The following MLLT3 variants were observed in gnomAD, a reference collection of about 807,000 sequenced individuals.
MLLT3 encodes MLLT3 super elongation complex subunit, also known as protein AF-9.
A neutral mutation model predicts 53.2 loss-of-function variants in MLLT3; 4 were observed. That is an observed-to-expected ratio of 0.08 (90% CI 0.04 to 0.17). The LOEUF (loss-of-function observed/expected upper bound fraction) is 0.17, where lower values mean the gene tolerates loss of function less well. Ranked by LOEUF, MLLT3 falls within the 10% of genes least tolerant of loss-of-function variation. The pLI, the probability that MLLT3 is intolerant of heterozygous loss-of-function variation, is 1.00. For missense variants in MLLT3, 569 were observed against 684.0 expected, an observed-to-expected ratio of 0.83 and a Z score of 1.87; for synonymous variants, 283 against 230.6, an observed-to-expected ratio of 1.23 and a Z score of -2.06.
At chr9:20,435,315 A>C (rs1166650959) in intron 4 of MLLT3, among the ~76,000 whole-genome samples, 2 of 152,136 alleles carry the variant, frequency 1.3e-5, no homozygotes, top group Non-Finnish European at 2.9e-5. Context: ...AGTAGCTGGG[A>C]CTACAGGTGC....
At chr9:20,357,979 G>GCACACACACACA (rs1491136011) in intron 8 of MLLT3, among the ~76,000 whole-genome samples, 2,427 of 137,762 alleles carry the variant, frequency 0.018, 93 homozygotes, top group African/African-American at 0.061. Context: ...CCTCCCTCCT[G>GCACACACACACA]CGCACACACA....
chr9:20,399,006 C>T (rs1234277088), intron 5 of MLLT3, among the ~76,000 whole-genome samples: 1 of 152,130 alleles, frequency 6.6e-6, no homozygotes, highest in Non-Finnish European at 1.5e-5. Context: ...CAAGGGGCTG[C>T]CCGGGCAGGT....
chr9:20,533,743 T>C (rs1004775006), intron 2 of MLLT3, among the ~76,000 whole-genome samples: 1 of 152,286 alleles, frequency 6.6e-6, no homozygotes, highest in East Asian at 1.9e-4. Context: ...ATCCTGCCAT[T>C]TGTAGCAAAA....
intron 4 of MLLT3, chr9:20,418,399 G>C (rs1822928051): frequency 6.6e-6 from 1 of 152,208 alleles, no homozygotes; most frequent in Non-Finnish European, 1.5e-5. Flanking sequence ...TACGAATGGA[G>C]TATTAAAATT....
chr9:20,423,199 T>C (rs1190641439), intron 4 of MLLT3, among the ~76,000 whole-genome samples: 3 of 152,144 alleles, frequency 2.0e-5, no homozygotes, highest in African/African-American at 7.2e-5. Flanking sequence ...ACTATATTTT[T>C]ATAGTCTTAA....
chr9:20,534,339 A>C (rs1466500705), intron 2 of MLLT3, among the ~76,000 whole-genome samples: 1 of 152,222 alleles, frequency 6.6e-6, no homozygotes, highest in African/African-American at 2.4e-5. Flanking sequence ...TCAACATCTG[A>C]AAAAGAGAAA....
intron 5 of MLLT3, among the ~76,000 whole-genome samples, chr9:20,399,961 G>A (rs550189465): frequency 3.3e-5 from 5 of 151,906 alleles, no homozygotes; most frequent in East Asian, 3.9e-4. Context: ...AAGAAAGAAC[G>A]ATGGAACAAA....
At chr9:20,530,331 T>C (rs1158031899) in intron 2 of MLLT3, among the ~76,000 whole-genome samples, 3 of 152,216 alleles carry the variant, frequency 2.0e-5, no homozygotes, top group South Asian at 2.1e-4. Flanking sequence ...TATTTCAATA[T>C]TGAAACTGTT....
intron 4 of MLLT3, among the ~76,000 whole-genome samples, chr9:20,426,779 T>TA (rs892900749): frequency 1.3e-5 from 2 of 151,846 alleles, no homozygotes; most frequent in Admixed American, 6.6e-5. Context: ...GCTGGGCCGT[T>TA]AAAAAAATAA....
chr9:20,391,923 A>G (rs983878079), intron 5 of MLLT3, among the ~76,000 whole-genome samples: 4 of 152,198 alleles, frequency 2.6e-5, no homozygotes, highest in African/African-American at 9.6e-5. Context: ...AATATAATAA[A>G]GCCCAGGTGC....
intron 10 of MLLT3, among the ~76,000 whole-genome samples, chr9:20,351,974 C>A (rs1005449235): frequency 2.0e-5 from 3 of 152,220 alleles, no homozygotes; most frequent in Non-Finnish European, 2.9e-5. Context: ...ATGCTGTGTG[C>A]CCTGGAGTGC....
chr9:20,454,777 G>A (rs1823919379), intron 3 of MLLT3, among the ~76,000 whole-genome samples: 1 of 152,128 alleles, frequency 6.6e-6, no homozygotes, highest in Non-Finnish European at 1.5e-5. Context: ...TGGGGAATAT[G>A]GGAGATAGAG....
chr9:20,559,111 G>A (rs753223425), intron 2 of MLLT3, among the ~76,000 whole-genome samples: 3 of 152,046 alleles, frequency 2.0e-5, no homozygotes, highest in East Asian at 1.9e-4. Flanking sequence ...ATGGTCTCTC[G>A]GGAATCATTC....
rs1819269790 is a variant in MLLT3 at position 20,563,427 on chromosome 9, TGAAAC to T, written c.193+57222_193+57226del. Among the ~76,000 whole-genome samples, 3 of 152,258 alleles carry T rather than the reference TGAAAC, an allele frequency of 2.0e-5. No homozygotes were observed. In the East Asian group the frequency reaches 5.8e-4, roughly 29 times the overall value. On this transcript the variant is annotated intron_variant, in intron 2 of 10. Coordinates refer to ENST00000380338, the MANE Select transcript of MLLT3 (RefSeq NM_004529.4). ...TGTCATATATTTGACAAATAATAAT[TGAAAC>T]AGCCTTTTCCTTTTCTTTTTGTTGA...
intron 2 of MLLT3, among the ~76,000 whole-genome samples, chr9:20,469,667 A>G (rs1824331573): frequency 6.6e-6 from 1 of 151,970 alleles, no homozygotes; most frequent in African/African-American, 2.4e-5. Flanking sequence ...AAACAAGAGA[A>G]TAACTGAGAG....
chr9:20,581,196 G>C (rs189076127), intron 2 of MLLT3, among the ~76,000 whole-genome samples: 124 of 152,272 alleles, frequency 8.1e-4, no homozygotes, highest in Non-Finnish European at 1.5e-3. Flanking sequence ...TTCAGACATT[G>C]CTGTTTCTCA....
At chr9:20,563,501 C>T (rs1466955099) in intron 2 of MLLT3, among the ~76,000 whole-genome samples, 1 of 152,040 alleles carries the variant, frequency 6.6e-6, no homozygotes, top group African/African-American at 2.4e-5. Flanking sequence ...TCCAGATTCC[C>T]TTATGTGCAC....
intron 2 of MLLT3, among the ~76,000 whole-genome samples, chr9:20,507,075 T>C (rs997840742): frequency 6.6e-6 from 1 of 152,350 alleles, no homozygotes; most frequent in African/African-American, 2.4e-5. Context: ...AAGTAGGCCC[T>C]GGCTTAATGC....
intron 2 of MLLT3, among the ~76,000 whole-genome samples, chr9:20,596,601 G>C (rs1428417370): frequency 6.6e-6 from 1 of 152,190 alleles, no homozygotes; most frequent in Non-Finnish European, 1.5e-5. Flanking sequence ...TGAGGCATGA[G>C]AATCGCTTGA....
Sources: gnomAD v4.1 joint callset for allele counts (sites outside exome capture counted in the v4.1 genomes callset) on GRCh38, gnomAD v4.1.1 for gene constraint, MANE v1.5 for transcripts, NCBI Gene and HGNC (gene_info 2026-07-23, HGNC 2026-07-21) for gene names.